The following RPS6KL1 variants were observed in gnomAD, a reference collection of about 807,000 sequenced individuals.
RPS6KL1 encodes the protein ribosomal protein S6 kinase like 1.
A neutral mutation model predicts 57.0 loss-of-function variants in RPS6KL1; 41 were observed. That is an observed-to-expected ratio of 0.72 (90% CI 0.56 to 0.93). The LOEUF is 0.93. RPS6KL1 is among the 40% of genes least tolerant of loss of function. The pLI is 0.00. For missense variants in RPS6KL1, 697 were observed against 727.7 expected (o/e 0.96, Z 0.49); for synonymous variants, 287 against 309.7 (o/e 0.93, Z 0.77).
chr14:74,918,093 A>T (rs200287640), intron 5 of RPS6KL1, among the ~76,000 whole-genome samples: 1 of 149,710 alleles, frequency 6.7e-6, no homozygotes, highest in East Asian at 2.0e-4. Flanking sequence ...TCTTCTTTTT[A>T]TATTTTATTT....
At chr14:74,917,641 T>C (rs1887067003) in intron 5 of RPS6KL1, among the ~76,000 whole-genome samples, 1 of 152,090 alleles carries the variant, frequency 6.6e-6, no homozygotes, top group Non-Finnish European at 1.5e-5. Flanking sequence ...ACTCTAACAA[T>C]GAGTGCCCCG....
intron 11 of RPS6KL1, 30 bp downstream of exon 11, chr14:74,907,405 G>A (rs577511357): frequency 6.4e-5 from 99 of 1,550,760 alleles, no homozygotes; most frequent in Middle Eastern, 1.8e-4. Context: ...AGGCTAGGCA[G>A]CTGCTTCCTC....
chr14:74,921,238 T>TACCCC, intron 3 of RPS6KL1, 39 bp downstream of exon 3: 25 of 840,144 alleles, frequency 3.0e-5, no homozygotes, highest in Middle Eastern at 2.6e-4. Flanking sequence ...CACTGGCCCT[T>TACCCC]CCCCACCCAC....
chr14:74,907,276 G>A lies in RPS6KL1; in HGVS notation c.1540-152C>T, dbSNP rs1885058493. On this transcript the variant is annotated intron_variant, in intron 11 of 11. Coordinates refer to ENST00000557413, the MANE Select transcript of RPS6KL1 (RefSeq NM_031464.5). ...TTTTACCCTGGGAACATTGGTGGTG[G>A]TTGGCCACCAACATATAGAAATGTG... is the stretch of plus-strand genomic sequence containing the variant. 5.0e-6 allele frequency: 7 copies of A among 1,397,094 alleles called. No individual in the cohort carries two copies. The South Asian group carries it at 9.8e-5, about 20-fold the overall frequency. The allele number at this position is 1,397,094 out of a possible 1,614,324, so 86.5% of individuals were successfully genotyped here.
intron 5 of RPS6KL1, among the ~76,000 whole-genome samples, chr14:74,912,192 C>G (rs1886117131): frequency 6.6e-6 from 1 of 152,122 alleles, no homozygotes; most frequent in South Asian, 2.1e-4. Context: ...TTCCCGGAGC[C>G]CTGCACAGTG....
chr14:74,910,346 C>T (rs986624163), intron 7 of RPS6KL1, 198 bp from the exon 8 acceptor site: 11 of 483,526 alleles, frequency 2.3e-5, no homozygotes, highest in Non-Finnish European at 3.5e-5. Context: ...CCTCTTGACC[C>T]AACTAAAGTG....
intron 5 of RPS6KL1, among the ~76,000 whole-genome samples, chr14:74,912,639 C>T (rs923932577): frequency 6.6e-6 from 1 of 152,150 alleles, no homozygotes; most frequent in African/African-American, 2.4e-5. Flanking sequence ...TGGCACGCTG[C>T]GTTCAGGCCT....
chr14:74,908,976 G>A, intron 9 of RPS6KL1, 44 bp from the exon 10 acceptor site: 1 of 1,581,430 alleles, frequency 6.3e-7, no homozygotes, highest in South Asian at 1.1e-5. Context: ...ACCTAAGAGG[G>A]CCTCTTCCAT....
chr14:74,918,549 C>A lies in RPS6KL1; in HGVS notation c.447G>T (p.Gln149His). The change falls in exon 5 of 12, where the codon CAG becomes CAT. Residue 149 changes from glutamine to histidine, a missense_variant. Physicochemically the swap from Gln to His is conservative, Grantham distance 24 (BLOSUM62 0). Transcript: ENST00000557413. ...CCCCGACCACCCTGCAGCCCCTCAGCTGCTCCACGGCAGAGCTCAGCGTGC... is the reference window on the plus strand; with the variant it reads ...CCCCGACCACCCTGCAGCCCCTCAGATGCTCCACGGCAGAGCTCAGCGTGC... The part of the protein sequence containing the change: ...PIRTLSSAVE[Q>H]LRGCRVVGVI... The A allele has an allele frequency of 6.5e-7, 1 of 1,534,604 alleles. No individual in the cohort carries two copies. The highest frequency in any genetic ancestry group is 8.7e-7 in the Non-Finnish European group (1 of 1,146,198).
intron 5 of RPS6KL1, 119 bp from the exon 6 acceptor site, chr14:74,911,960 G>A (rs993697140): frequency 1.5e-5 from 12 of 777,032 alleles, no homozygotes; most frequent in Non-Finnish European, 2.4e-5. Flanking sequence ...TGGCAGGGCA[G>A]GGAGGGCGGG....
chr14:74,909,941 C>G lies in RPS6KL1; in HGVS notation c.872G>C (p.Gly291Ala). 1 of 1,614,096 alleles carries G rather than the reference C, an allele frequency of 6.2e-7. No homozygotes were observed. The highest frequency in any genetic ancestry group is 8.5e-7 in the Non-Finnish European group (1 of 1,179,988). Residue 291 changes from glycine to alanine, a missense_variant, in exon 8 of 12, where the codon GGG becomes GCG. Coordinates refer to ENST00000557413, the MANE Select transcript of RPS6KL1 (RefSeq NM_031464.5). The stretch of plus-strand genomic sequence containing the variant: ...CTGGGGTCTGGTGGATGGGGCCTCC[C>G]CAGCTAGGAGAAGGTTCGGAGAAGT... ...PRTSPNLLLAGEAPSTRPQRE... is the reference protein window; with the variant it reads ...PRTSPNLLLAAEAPSTRPQRE...
At chr14:74,918,429 C>A in intron 5 of RPS6KL1, 84 bp downstream of exon 5, 1 of 1,016,206 alleles carries the variant, frequency 9.8e-7, no homozygotes, top group Non-Finnish European at 1.4e-6. Flanking sequence ...GACCTGCTTT[C>A]AGCATATCAT....
rs1026199193 is a variant in RPS6KL1 at position 74,906,910 on chromosome 14, C to T, written c.*104G>A. Reference sequence around the variant, plus strand: ...AGGACAGACAGTGCCCTCCATTCCTCGCCCAAAGCCCGCTGATAGAGGGCC... The same window carrying T: ...AGGACAGACAGTGCCCTCCATTCCTTGCCCAAAGCCCGCTGATAGAGGGCC... On this transcript the variant is annotated 3_prime_UTR_variant, in exon 12 of 12. Transcript: ENST00000557413. The T allele has an allele frequency of 2.3e-5, 21 of 907,814 alleles. No homozygotes were observed. Among genetic ancestry groups the T allele is most frequent in the African/African-American group, 1.4e-4 (8 of 58,308 alleles). The allele number at this position is 907,814 out of a possible 1,614,324, so 56.2% of individuals were successfully genotyped here. A position where few individuals can be genotyped will look rare whatever the true frequency, so the allele number is the denominator to read the frequency against.
chr14:74,918,377 C>G, intron 5 of RPS6KL1, 136 bp downstream of exon 5: 1 of 610,054 alleles, frequency 1.6e-6, no homozygotes, highest in Non-Finnish European at 2.8e-6. Flanking sequence ...TCCCCACTGA[C>G]CCCTGCCCAC....
intron 4 of RPS6KL1, among the ~76,000 whole-genome samples, chr14:74,919,229 A>G (rs548909471): frequency 6.6e-6 from 1 of 152,330 alleles, no homozygotes; most frequent in South Asian, 2.1e-4. Context: ...GGAACGTGTG[A>G]GTCTCAGGGA....
rs1427760021 is a variant in RPS6KL1, at chr14:74,922,247, C to T, written c.-290G>A. ...CCAGTACGCATTCAGCACATGGAGG[C>T]CACACACGCTGGGCTCAAATGCTGT... On this transcript the variant is annotated 5_prime_UTR_variant, in exon 2 of 12. Transcript: ENST00000557413. 2 of 985,852 alleles carry T rather than the reference C, an allele frequency of 2.0e-6. No individual in the cohort carries two copies. Among genetic ancestry groups the T allele is most frequent in the African/African-American group, 1.7e-5 (1 of 57,218 alleles). The allele number at this position is 985,852 out of a possible 1,614,324, so 61.1% of individuals were successfully genotyped here.
chr14:74,911,233 C>A lies in RPS6KL1; in HGVS notation c.664+15G>T. ...AAGGCCTGGGGAGCTGACAGGGGGC[C>A]CCAGGCCTGCTCACCTTGCACATGC... On this transcript the variant is annotated intron_variant, in intron 7 of 11. Coordinates refer to ENST00000557413, the MANE Select transcript of RPS6KL1 (RefSeq NM_031464.5). The A allele has an allele frequency of 6.2e-7, 1 of 1,610,032 alleles. No individual in the cohort carries two copies. Among genetic ancestry groups the A allele is most frequent in the Non-Finnish European group, 8.5e-7 (1 of 1,179,864 alleles).
intron 4 of RPS6KL1, 56 bp from the exon 5 acceptor site, chr14:74,918,661 A>T (rs1259286025): frequency 4.4e-6 from 6 of 1,351,262 alleles, no homozygotes; most frequent in Non-Finnish European, 6.1e-6. Flanking sequence ...CTCCTTGGCC[A>T]TGGCCTTCTC....
rs1270787715 is a variant in RPS6KL1 at position 74,909,782 on chromosome 14, C to T, written c.1031G>A (p.Gly344Glu). 13 of 1,605,852 alleles carry T rather than the reference C, an allele frequency of 8.1e-6. No homozygotes were observed. Among genetic ancestry groups the T allele is most frequent in the African/African-American group, 5.4e-5 (4 of 74,758 alleles). The change falls in exon 8 of 12, where the codon GGG becomes GAG. Residue 344 changes from glycine (G) to glutamate (E), a missense_variant. Gly to Glu is a moderately conservative substitution (Grantham distance 98). Coordinates refer to ENST00000557413, the MANE Select transcript of RPS6KL1 (RefSeq NM_031464.5). ...GQNSDAGPPR[G>E]LTWVPEGAGP... ...GGCCCCCTCAGGAACCCAAGTGAGC[C>T]CCCGAGGGGGCCCAGCGTCTGAGTT...
Sources: gnomAD v4.1 joint callset for allele counts (sites outside exome capture counted in the v4.1 genomes callset) on GRCh38, gnomAD v4.1.1 for gene constraint, MANE v1.5 for transcripts, NCBI Gene and HGNC (gene_info 2026-07-23, HGNC 2026-07-21) for gene names.